The following B4GALNT2 variants were observed in gnomAD, a reference collection of about 807,000 sequenced individuals.
B4GALNT2 encodes the protein beta-1,4-N-acetyl-galactosaminyltransferase 2 (SID blood group), also known as N-acetylneuraminylgalactosylglucosyl-glucoside beta-1,4-N- acetylgalactosaminyltransferase 2.
Under a neutral mutation model 51.1 loss-of-function variants are expected in B4GALNT2, and 42 were observed. That is an observed-to-expected ratio of 0.82 (90% CI 0.64 to 1.06). The LOEUF (loss-of-function observed/expected upper bound fraction) is 1.06, where lower values mean the gene tolerates loss of function less well. Among genes scored for constraint, B4GALNT2 ranks in the 50% least tolerant of loss-of-function variants. B4GALNT2 has a pLI of 0.00. For synonymous variants in B4GALNT2, 253 were observed against 251.7 expected, an observed-to-expected ratio of 1.01 and a Z score of -0.05; for missense variants, 602 against 633.6, an observed-to-expected ratio of 0.95 and a Z score of 0.54.
chr17:49,142,019 C>T lies in B4GALNT2; in HGVS notation c.216-16C>T, dbSNP rs1567856433. 3.1e-6 allele frequency: 5 copies of T among 1,613,880 alleles called. No homozygotes were observed. Among genetic ancestry groups the T allele is most frequent in the Non-Finnish European group, 4.2e-6 (5 of 1,180,004 alleles). On this transcript the variant is annotated splice_polypyrimidine_tract_variant and intron_variant, in intron 2 of 10. Coordinates refer to ENST00000393354, the MANE Select transcript of B4GALNT2 (RefSeq NM_001159387.2). ...ACCCACCCAATCCATGTTTACAGTC[C>T]TCTTGCTTGTTTCAGGCTGTTCCCG... is the stretch of plus-strand genomic sequence containing the variant.
intron 5 of B4GALNT2, among the ~76,000 whole-genome samples, chr17:49,157,751 C>T (rs182915443): frequency 5.9e-5 from 9 of 152,310 alleles, no homozygotes; most frequent in Admixed American, 2.0e-4. Context: ...CGTGAGCCAT[C>T]GTGCCTGGCT....
At chr17:49,156,819 G>A (rs1408372560) in intron 5 of B4GALNT2, among the ~76,000 whole-genome samples, 3 of 152,200 alleles carry the variant, frequency 2.0e-5, no homozygotes, top group South Asian at 2.1e-4. Flanking sequence ...ACTGAAGAAT[G>A]GGACCCACTG....
chr17:49,131,462 GAAA>G (rs367790096), upstream of B4GALNT2, among the ~76,000 whole-genome samples: 86 of 100,286 alleles, frequency 8.6e-4, no homozygotes, highest in African/African-American at 2.8e-3. Flanking sequence ...CCCAGACTCC[GAAA>G]AAAAAAAAAA....
chr17:49,152,964 A>C, intron 4 of B4GALNT2, 58 bp downstream of exon 4: 1 of 1,462,178 alleles, frequency 6.8e-7, no homozygotes. Context: ...TCTAAGGCAA[A>C]AGGAGGGAGA....
chr17:49,132,772 C>G lies in B4GALNT2; in HGVS notation c.-21C>G. ...GCTAGGCTCCGTGACATCCGGCAGT[C>G]TGAGGGCGGCGGGATTCGGGATGAC... On this transcript the variant is annotated 5_prime_UTR_variant, in exon 1 of 11. Coordinates refer to ENST00000393354, the MANE Select transcript of B4GALNT2 (RefSeq NM_001159387.2). 1 of 1,386,798 alleles carries G rather than the reference C, an allele frequency of 7.2e-7. No individual in the cohort carries two copies. The allele number at this position is 1,386,798 out of a possible 1,614,324, so 85.9% of individuals were successfully genotyped here.
Position 49,169,723 on chromosome 17 carries a change from G to C in B4GALNT2, c.1516G>C (p.Ala506Pro). ...CTTCAAGAACCATCTCCAATGTGCC[G>C]CATAAAGGTGTGAGGGCATAGGAGA... ...HYFKNHLQCA[A>P] Residue 506 changes from alanine (A) to proline (P), a missense_variant, in exon 11 of 11, where the codon GCA becomes CCA. Ala to Pro is a conservative substitution (Grantham distance 27). Transcript: ENST00000393354. 6.4e-7 allele frequency: 1 copy of C among 1,570,882 alleles called. No individual in the cohort carries two copies. Among genetic ancestry groups the C allele is most frequent in the South Asian group, 1.2e-5 (1 of 83,926 alleles).
At chr17:49,151,820 G>A (rs938920076) in intron 3 of B4GALNT2, among the ~76,000 whole-genome samples, 1 of 151,250 alleles carries the variant, frequency 6.6e-6, no homozygotes, top group Non-Finnish European at 1.5e-5. Context: ...TAAAAATATT[G>A]TGACAACAAT....
chr17:49,154,735 AG>A (rs1184961363), intron 4 of B4GALNT2, among the ~76,000 whole-genome samples: 6 of 152,050 alleles, frequency 3.9e-5, no homozygotes, highest in Non-Finnish European at 8.8e-5. Flanking sequence ...CCTGAGACAG[AG>A]GGGGATGCAG....
chr17:49,164,005 A>G (rs992319118), intron 7 of B4GALNT2, 83 bp from the exon 8 acceptor site: 1 of 1,368,436 alleles, frequency 7.3e-7, no homozygotes, highest in African/African-American at 1.4e-5. Flanking sequence ...GTTATGGCAG[A>G]AAGAAGCCAT....
intron 1 of B4GALNT2, among the ~76,000 whole-genome samples, chr17:49,139,262 A>G (rs1034937461): frequency 3.3e-5 from 5 of 151,618 alleles, no homozygotes; most frequent in African/African-American, 1.2e-4. Flanking sequence ...TTTTGGAGAC[A>G]GAGTCTCCCT....
chr17:49,132,229 G>A (rs2042545436), upstream of B4GALNT2, among the ~76,000 whole-genome samples: 1 of 152,144 alleles, frequency 6.6e-6, no homozygotes, highest in South Asian at 2.1e-4. Flanking sequence ...TATGAAAAAG[G>A]TCCTGCAAAT....
chr17:49,165,175 T>C (rs904726934), intron 8 of B4GALNT2, among the ~76,000 whole-genome samples: 16 of 152,098 alleles, frequency 1.1e-4, no homozygotes, highest in Admixed American at 9.2e-4. Flanking sequence ...ACTTGAGGTC[T>C]CTGACATCTC....
At chr17:49,145,442 C>T (rs551398404) in intron 3 of B4GALNT2, among the ~76,000 whole-genome samples, 3 of 152,300 alleles carry the variant, frequency 2.0e-5, no homozygotes, top group Admixed American at 6.5e-5. Flanking sequence ...TGTATATGCA[C>T]AAACATGTTT....
chr17:49,153,961 C>T (rs1254588784), intron 4 of B4GALNT2, among the ~76,000 whole-genome samples: 1 of 151,992 alleles, frequency 6.6e-6, no homozygotes. Context: ...TTTCAATGTC[C>T]TCCATCATCA....
chr17:49,154,331 T>C (rs1402120624), intron 4 of B4GALNT2, among the ~76,000 whole-genome samples: 1 of 152,072 alleles, frequency 6.6e-6, no homozygotes, highest in Non-Finnish European at 1.5e-5. Context: ...ATATTTATGT[T>C]GGTTAAAACT....
At chr17:49,146,108 C>A (rs2042692478) in intron 3 of B4GALNT2, among the ~76,000 whole-genome samples, 1 of 152,042 alleles carries the variant, frequency 6.6e-6, no homozygotes. Context: ...GAATCAGTAC[C>A]ATATATTGGA....
At chr17:49,139,158 G>A (rs985656400) in intron 1 of B4GALNT2, among the ~76,000 whole-genome samples, 4 of 151,254 alleles carry the variant, frequency 2.6e-5, no homozygotes, top group South Asian at 2.1e-4. Context: ...TTCCCTTTTC[G>A]TTATTTATGT....
At position 49,169,549 on chromosome 17, in the gene B4GALNT2, CT is replaced by C; in HGVS notation, c.1343del (p.Leu448HisfsTer9). Reference sequence around the variant, plus strand: ...ATTCTTCATTGATGGGCTAGGGACCCTACTCGTGGGGTCATGCCCAGAAGTG... The same window carrying C: ...ATTCTTCATTGATGGGCTAGGGACCCACTCGTGGGGTCATGCCCAGAAGTG... Reference protein sequence around the residue: ...SEFFIDGLGTLLVGSCPEVII... With the variant: ...SEFFIDGLGTXLVGSCPEVII... On this transcript the variant is annotated frameshift_variant, in exon 11 of 11. Coordinates refer to ENST00000393354, the MANE Select transcript of B4GALNT2 (RefSeq NM_001159387.2). LOFTEE classifies it low-confidence loss of function (END_TRUNC). 1 of 1,612,290 alleles carries C rather than the reference CT, an allele frequency of 6.2e-7. No individual in the cohort carries two copies. Among genetic ancestry groups the C allele is most frequent in the South Asian group, 1.1e-5 (1 of 91,004 alleles).
At chr17:49,160,006 C>T (rs2042847934) in intron 6 of B4GALNT2, among the ~76,000 whole-genome samples, 9 of 152,084 alleles carry the variant, frequency 5.9e-5, no homozygotes, top group Admixed American at 5.9e-4. Context: ...CTGCCACTCT[C>T]AGGGCAGCCT....
Sources: gnomAD v4.1 joint callset for allele counts (sites outside exome capture counted in the v4.1 genomes callset) on GRCh38, gnomAD v4.1.1 for gene constraint, MANE v1.5 for transcripts, NCBI Gene and HGNC (gene_info 2026-07-23, HGNC 2026-07-21) for gene names.